The following POU6F2 variants were observed in gnomAD, a reference collection of about 807,000 sequenced individuals.
POU6F2 encodes POU domain, class 6, transcription factor 2.
Under a neutral mutation model 71.3 loss-of-function variants are expected in POU6F2, and 31 were observed. That is an observed-to-expected ratio of 0.43 (90% confidence interval 0.33 to 0.59). The LOEUF (loss-of-function observed/expected upper bound fraction) is 0.59, where lower values mean the gene tolerates loss of function less well. POU6F2 is among the 20% of genes least tolerant of loss of function. The pLI is 0.04. For synonymous variants in POU6F2, 347 were observed against 355.7 expected, an observed-to-expected ratio of 0.98 and a Z score of 0.27; for missense variants, 783 against 856.8, an observed-to-expected ratio of 0.91 and a Z score of 1.07.
At chr7:39,311,389 T>C (rs1785162232) in intron 4 of POU6F2, among the ~76,000 whole-genome samples, 1 of 152,094 alleles carries the variant, frequency 6.6e-6, no homozygotes, top group South Asian at 2.1e-4. Context: ...GTCTTGCCCA[T>C]CACACTGATC....
chr7:39,464,860 A>G lies in POU6F2; in HGVS notation c.*174A>G. The G allele has an allele frequency of 5.6e-6, 5 of 900,606 alleles. No homozygotes were observed. The highest frequency in any genetic ancestry group is 4.0e-5 in the South Asian group (2 of 49,960). The allele number at this position is 900,606 out of a possible 1,614,324, so 55.8% of individuals were successfully genotyped here. A position where few individuals can be genotyped will look rare whatever the true frequency, so the allele number is the denominator to read the frequency against. On this transcript the variant is annotated 3_prime_UTR_variant, in exon 10 of 10. Coordinates refer to ENST00000518318, the MANE Select transcript of POU6F2 (RefSeq NM_001370959.1). The surrounding 1 kb of genome is among the most constrained non-coding windows in gnomAD (Gnocchi z 4.1). ...ACCAAGTGGACAGAATGGTTTCTAC[A>G]TGTCCGTTGGTTTTCCAAAAAGGAA...
chr7:39,174,541 G>A (rs1793290125), intron 2 of POU6F2, among the ~76,000 whole-genome samples: 2 of 152,156 alleles, frequency 1.3e-5, no homozygotes, highest in African/African-American at 4.8e-5. Context: ...GCAGTCACGT[G>A]TGTCTTTTCC....
intron 5 of POU6F2, among the ~76,000 whole-genome samples, chr7:39,359,453 A>G (rs1362830044): frequency 2.0e-5 from 3 of 152,202 alleles, no homozygotes; most frequent in African/African-American, 7.2e-5. Flanking sequence ...GGTTTTCTCT[A>G]CTAGAACTGT....
At chr7:39,283,996 C>CA (rs959598150) in intron 4 of POU6F2, among the ~76,000 whole-genome samples, 4 of 151,956 alleles carry the variant, frequency 2.6e-5, no homozygotes, top group African/African-American at 4.8e-5. Context: ...TAGTAAATGA[C>CA]AAAAAAAGGA....
intron 1 of POU6F2, among the ~76,000 whole-genome samples, chr7:39,067,241 T>G (rs1317365149): frequency 6.6e-6 from 1 of 150,452 alleles, no homozygotes; most frequent in Non-Finnish European, 1.5e-5. Context: ...ATTTGATTAT[T>G]TGGGAAGACG....
chr7:39,266,416 A>C (rs1032792224), intron 4 of POU6F2, among the ~76,000 whole-genome samples: 3 of 152,192 alleles, frequency 2.0e-5, no homozygotes, highest in Non-Finnish European at 4.4e-5. Context: ...CAGAAGGGCA[A>C]AATGCTCAGG....
In POU6F2 at chr7:39,391,476, T is replaced by C. The variant is rs75568349; in HGVS notation, c.973-15124T>C. Among the ~76,000 whole-genome samples the C allele has an allele frequency of 6.3e-3, 962 of 152,286 alleles. 4 individuals are homozygous for C. The highest frequency in any genetic ancestry group is 0.021 in the African/African-American group (891 of 41,574). On this transcript the variant is annotated intron_variant, in intron 5 of 9. Transcript: ENST00000518318. ...TGTGCTCTCATTTTTGAAAATATAA[T>C]GTACAAAATAAGAACTCAGTAGTGT...
intron 4 of POU6F2, among the ~76,000 whole-genome samples, chr7:39,278,106 AGGGGGGGAGGGAGGG>A (rs1784488778): frequency 3.4e-5 from 1 of 29,354 alleles, no homozygotes; most frequent in Non-Finnish European, 5.4e-5. Flanking sequence ...GGAGGGAGGG[AGGGGGGGAGGGAGGG>A]AGGAAGGAAT....
intron 1 of POU6F2, among the ~76,000 whole-genome samples, chr7:38,996,383 C>T (rs1231595395): frequency 6.6e-6 from 1 of 151,976 alleles, no homozygotes; most frequent in African/African-American, 2.4e-5. Context: ...TCCCAGTTTT[C>T]TTACCTCTCT....
chr7:39,126,471 G>A (rs34866559), intron 2 of POU6F2, among the ~76,000 whole-genome samples: 37,139 of 152,084 alleles, frequency 0.24, 5,236 homozygotes, highest in East Asian at 0.56. Flanking sequence ...CATTAAGTAG[G>A]ATGTTGAGTC....
Position 39,208,513 on chromosome 7 carries a change from T to C in POU6F2, c.598+893T>C, listed in dbSNP as rs559763965. Among the ~76,000 whole-genome samples the C allele has an allele frequency of 4.6e-5, 7 of 152,312 alleles. No individual in the cohort carries two copies. In the South Asian group the frequency reaches 1.5e-3, roughly 32 times the overall value. Reference sequence around the variant, plus strand: ...CAATTTAAAATACTTTTTTAGCTGGTCAAATGTTAGGGCTTCATATAATTT... The same window carrying C: ...CAATTTAAAATACTTTTTTAGCTGGCCAAATGTTAGGGCTTCATATAATTT... On this transcript the variant is annotated intron_variant, in intron 4 of 9. Transcript: ENST00000518318.
intron 7 of POU6F2, 149 bp from the exon 8 acceptor site, chr7:39,451,384 C>A: frequency 4.8e-6 from 3 of 624,722 alleles, no homozygotes; most frequent in Non-Finnish European, 7.2e-6. Context: ...AAAAAAATGA[C>A]TGCCTGCTGT....
At chr7:39,204,414 C>A in intron 3 of POU6F2, 88 bp downstream of exon 3, 3 of 1,069,086 alleles carry the variant, frequency 2.8e-6, no homozygotes, top group South Asian at 1.8e-5. Context: ...TGAGTTAAAT[C>A]CAATTGACTC....
intron 1 of POU6F2, among the ~76,000 whole-genome samples, chr7:38,980,811 C>G (rs1788297592): frequency 6.6e-6 from 1 of 151,944 alleles, no homozygotes; most frequent in African/African-American, 2.4e-5. Flanking sequence ...GAAGTATGAG[C>G]TTTAGGTTTT....
chr7:39,059,882 G>A (rs1258926072), intron 1 of POU6F2, among the ~76,000 whole-genome samples: 1 of 152,104 alleles, frequency 6.6e-6, no homozygotes. Context: ...TGCTACAACA[G>A]GGATGAACCT....
At chr7:39,092,284 G>A (rs759419430) in intron 2 of POU6F2, among the ~76,000 whole-genome samples, 51 of 152,218 alleles carry the variant, frequency 3.4e-4, no homozygotes, top group Middle Eastern at 3.4e-3. Context: ...ATTCTCCAGC[G>A]GATGGGTTTC....
chr7:39,328,117 C>T (rs967738186), intron 4 of POU6F2, among the ~76,000 whole-genome samples: 18 of 152,302 alleles, frequency 1.2e-4, no homozygotes, highest in African/African-American at 4.1e-4. Flanking sequence ...GATGGGGTTT[C>T]ACCATGTTGG....
intron 4 of POU6F2, among the ~76,000 whole-genome samples, chr7:39,299,848 G>C (rs1784921554): frequency 6.6e-6 from 1 of 152,170 alleles, no homozygotes; most frequent in South Asian, 2.1e-4. Context: ...GCCACAACTT[G>C]ATTAACTTAG....
At chr7:39,088,295 C>T (rs2128721405) in intron 2 of POU6F2, among the ~76,000 whole-genome samples, 1 of 151,838 alleles carries the variant, frequency 6.6e-6, no homozygotes, top group East Asian at 1.9e-4. Context: ...CATAAGGTTT[C>T]CTTTGCAGGG....
Sources: allele counts gnomAD v4.1 joint callset (sites outside exome capture counted in the v4.1 genomes callset), GRCh38; gene constraint gnomAD v4.1.1; non-coding constraint Gnocchi (gnomAD v3.1); transcripts MANE v1.5; gene names NCBI Gene and HGNC (gene_info 2026-07-23, HGNC 2026-07-21).